Variants in HS3ST3A1 observed in about 807,000 individuals in gnomAD.
The protein encoded by HS3ST3A1 is heparan sulfate glucosamine 3-O-sulfotransferase 3A1.
HS3ST3A1 carries 19 observed loss-of-function variants against 25.7 expected under a neutral mutation model. The observed-to-expected ratio is 0.74, with a 90% CI of 0.52 to 1.08. HS3ST3A1 has a LOEUF of 1.08. HS3ST3A1 is among the 50% of genes least tolerant of loss of function. The probability of loss-of-function intolerance (pLI) is 0.00; values close to 1 mark genes in which losing one functional copy is unlikely to be tolerated. For synonymous variants in HS3ST3A1, 226 were observed against 278.6 expected (o/e 0.81, Z 1.88); for missense variants, 459 against 594.3 (o/e 0.77, Z 2.37).
At chr17:13,585,351 C>A (rs1908229099) in intron 1 of HS3ST3A1, among the ~76,000 whole-genome samples, 1 of 151,238 alleles carries the variant, frequency 6.6e-6, no homozygotes, top group Admixed American at 6.6e-5. Flanking sequence ...AGGCATGCAC[C>A]ACCACGCCCG....
intron 1 of HS3ST3A1, among the ~76,000 whole-genome samples, chr17:13,511,751 T>A (rs1487928389): frequency 1.3e-5 from 2 of 151,688 alleles, no homozygotes; most frequent in Non-Finnish European, 2.9e-5. Flanking sequence ...TCTAACTTTA[T>A]AAATATGTTT....
At chr17:13,529,240 A>G (rs2874899) in intron 1 of HS3ST3A1, among the ~76,000 whole-genome samples, 23,876 of 152,232 alleles carry the variant, frequency 0.16, 1,938 homozygotes, top group Non-Finnish European at 0.18. Flanking sequence ...CAATCATATC[A>G]TAACACCAAT....
chr17:13,511,576 T>A (rs1007525697), intron 1 of HS3ST3A1, among the ~76,000 whole-genome samples: 25 of 151,872 alleles, frequency 1.6e-4, no homozygotes, highest in African/African-American at 5.8e-4. Context: ...ATGGAGGTAA[T>A]CACAACATTC....
Position 13,600,524 on chromosome 17 carries a change from C to T in HS3ST3A1, c.599+7G>A, listed in dbSNP as rs1327156692. 6.3e-7 allele frequency: 1 copy of T among 1,589,764 alleles called. No homozygotes were observed. Among genetic ancestry groups the T allele is most frequent in the Non-Finnish European group, 8.5e-7 (1 of 1,173,954 alleles). On this transcript the variant is annotated splice_region_variant and intron_variant, in intron 1 of 1. Transcript: ENST00000284110. ...CTTCAGCCCCAGCCCGGGCCCGCCC[C>T]GCTCACCGGTACCAGGCGAGGCCCT...
At chr17:13,532,641 G>A (rs958885300) in intron 1 of HS3ST3A1, among the ~76,000 whole-genome samples, 1 of 151,984 alleles carries the variant, frequency 6.6e-6, no homozygotes, top group Non-Finnish European at 1.5e-5. Context: ...CGAGAGAGTC[G>A]CTCTTAAATA....
intron 1 of HS3ST3A1, among the ~76,000 whole-genome samples, chr17:13,514,620 A>G (rs1268598790): frequency 6.6e-6 from 1 of 152,220 alleles, no homozygotes; most frequent in Non-Finnish European, 1.5e-5. Flanking sequence ...GTGATGGCCC[A>G]TGCCTGTAAT....
chr17:13,516,222 A>AGAG (rs1906048927), intron 1 of HS3ST3A1, among the ~76,000 whole-genome samples: 1 of 152,164 alleles, frequency 6.6e-6, no homozygotes, highest in Non-Finnish European at 1.5e-5. Context: ...AGGCAGGAGA[A>AGAG]TCGCTTGAAC....
chr17:13,543,852 T>C (rs1229159915), intron 1 of HS3ST3A1, among the ~76,000 whole-genome samples: 1 of 152,200 alleles, frequency 6.6e-6, no homozygotes, highest in Non-Finnish European at 1.5e-5. Flanking sequence ...ACAAAGAATG[T>C]TGGACTACCA....
At chr17:13,556,523 TAAAAG>T (rs1907379896) in intron 1 of HS3ST3A1, among the ~76,000 whole-genome samples, 1 of 144,808 alleles carries the variant, frequency 6.9e-6, no homozygotes, top group African/African-American at 2.5e-5. Context: ...AGAAATAAAA[TAAAAG>T]AAAATAAAAT....
At chr17:13,534,150 A>G (rs1163205043) in intron 1 of HS3ST3A1, among the ~76,000 whole-genome samples, 1 of 152,156 alleles carries the variant, frequency 6.6e-6, no homozygotes, top group South Asian at 2.1e-4. Context: ...TGCTCTACTT[A>G]GTAGTAGCTG....
At chr17:13,512,730 C>T (rs1459597111) in intron 1 of HS3ST3A1, among the ~76,000 whole-genome samples, 8 of 152,052 alleles carry the variant, frequency 5.3e-5, no homozygotes, top group African/African-American at 1.7e-4. Flanking sequence ...TTGATTGTAG[C>T]ATAATTAGTA....
At chr17:13,594,996 G>A (rs1713214406) in intron 1 of HS3ST3A1, among the ~76,000 whole-genome samples, 1 of 152,150 alleles carries the variant, frequency 6.6e-6, no homozygotes, top group Non-Finnish European at 1.5e-5. Flanking sequence ...TGTTCGAGTC[G>A]GTGAATAGTT....
Position 13,516,431 on chromosome 17 carries a change from T to C in HS3ST3A1, c.600-19613A>G, listed in dbSNP as rs570555602. 7.9e-5 allele frequency among the ~76,000 whole-genome samples: 12 copies of C among 152,350 alleles called. No individual in the cohort carries two copies. The East Asian group carries it at 2.3e-3, about 29-fold the overall frequency. ...GTTTGTAGTTTGACTTCGCATTTAT[T>C]TTAACAGTGTCTTTGGCTGAGCAAA... On this transcript the variant is annotated intron_variant, in intron 1 of 1. Coordinates refer to ENST00000284110, the MANE Select transcript of HS3ST3A1 (RefSeq NM_006042.3).
intron 1 of HS3ST3A1, among the ~76,000 whole-genome samples, chr17:13,589,261 T>C (rs577737964): frequency 8.5e-5 from 13 of 152,346 alleles, no homozygotes; most frequent in African/African-American, 3.1e-4. Flanking sequence ...CCCTCCTTCC[T>C]ACTTGGTAAC....
At chr17:13,593,121 T>C (rs1032876753) in intron 1 of HS3ST3A1, among the ~76,000 whole-genome samples, 7 of 151,996 alleles carry the variant, frequency 4.6e-5, no homozygotes, top group African/African-American at 1.7e-4. Flanking sequence ...GCCTGGAAAA[T>C]TGGGACCGTG....
intron 1 of HS3ST3A1, among the ~76,000 whole-genome samples, chr17:13,593,233 C>CAAAAGAAAAAAA (rs1908478752): frequency 9.7e-6 from 1 of 103,186 alleles, no homozygotes; most frequent in Admixed American, 1.1e-4. Flanking sequence ...TGTTTGTAGC[C>CAAAAGAAAAAAA]AAAAAAAAAA....
At chr17:13,587,008 G>A (rs1011245635) in intron 1 of HS3ST3A1, among the ~76,000 whole-genome samples, 3 of 149,750 alleles carry the variant, frequency 2.0e-5, no homozygotes, top group Non-Finnish European at 2.9e-5. Context: ...ATTAGCTTAA[G>A]TTAAAATATT....
chr17:13,507,949 T>A (rs1905737530), intron 1 of HS3ST3A1, among the ~76,000 whole-genome samples: 1 of 152,200 alleles, frequency 6.6e-6, no homozygotes, highest in Admixed American at 6.5e-5. Flanking sequence ...TTTCCTGCTG[T>A]TGTTATGTGG....
intron 1 of HS3ST3A1, among the ~76,000 whole-genome samples, chr17:13,573,677 T>A (rs188234685): frequency 2.0e-5 from 3 of 152,296 alleles, no homozygotes; most frequent in Admixed American, 2.0e-4. Flanking sequence ...GAGCTCAATG[T>A]TGAGTGTGAG....
Sources: allele counts gnomAD v4.1 joint callset (sites outside exome capture counted in the v4.1 genomes callset), GRCh38; gene constraint gnomAD v4.1.1; transcripts MANE v1.5; gene names NCBI Gene and HGNC (gene_info 2026-07-23, HGNC 2026-07-21).